Variants in PAAF1 observed in about 807,000 individuals in gnomAD.
PAAF1 encodes proteasomal ATPase-associated factor 1.
Under a neutral mutation model 52.8 loss-of-function variants are expected in PAAF1, and 46 were observed. The ratio of observed to expected loss-of-function variants is 0.87; its 90% CI spans 0.69 to 1.11. PAAF1 has a LOEUF of 1.11. Among genes scored for constraint, PAAF1 ranks in the 50% most tolerant of loss-of-function variants. The pLI, the probability that PAAF1 is intolerant of heterozygous loss-of-function variation, is 0.00. For synonymous variants in PAAF1, 178 were observed against 172.8 expected (o/e 1.03, Z -0.24); for missense variants, 424 against 477.4 (o/e 0.89, Z 1.04).
rs965928108 is a variant in PAAF1 at position 73,900,319 on chromosome 11, C to T, written c.431C>T (p.Pro144Leu). 2 of 1,612,460 alleles carry T rather than the reference C, an allele frequency of 1.2e-6. No homozygotes were observed. Reference sequence around the variant, plus strand: ...GATGTGAATTGTTGCAGGTTTTTCCCATCAGGCCTTGTGGTCCTGAGTGGG... The same window carrying T: ...GATGTGAATTGTTGCAGGTTTTTCCTATCAGGCCTTGTGGTCCTGAGTGGG... ...VFDVNCCRFF[P>L]SGLVVLSGGM... The change falls in exon 6 of 12, where the codon CCA becomes CTA. Residue 144 changes from proline to leucine, a missense_variant. Physicochemically the swap from Pro to Leu is moderately conservative, Grantham distance 98. Coordinates refer to ENST00000310571, the MANE Select transcript of PAAF1 (RefSeq NM_025155.3).
chr11:73,899,128 T>C lies in PAAF1; in HGVS notation c.283-18T>C, dbSNP rs1240012864. The C allele has an allele frequency of 6.3e-7, 1 of 1,584,952 alleles. No homozygotes were observed. The highest frequency in any genetic ancestry group is 1.7e-5 in the Admixed American group (1 of 59,724). The stretch of plus-strand genomic sequence containing the variant: ...ATTTCATTATTTCTAACACATTGTT[T>C]GTTTTCTCTTTGAACAGATAACATG... On this transcript the variant is annotated intron_variant, in intron 4 of 11. Coordinates refer to ENST00000310571, the MANE Select transcript of PAAF1 (RefSeq NM_025155.3).
At chr11:73,914,615 A>T in intron 8 of PAAF1, 111 bp downstream of exon 8, 1 of 782,898 alleles carries the variant, frequency 1.3e-6, no homozygotes, top group Non-Finnish European at 2.2e-6. Flanking sequence ...ACTTTTGAGA[A>T]GGCTGCGTGA....
At chr11:73,921,831 A>C (rs1950228542) in intron 10 of PAAF1, 1 of 1,131,764 alleles carries the variant, frequency 8.8e-7, no homozygotes, top group East Asian at 2.7e-5. Context: ...GTTTGTTTGC[A>C]GGTTTGGGAT....
chr11:73,919,060 T>C (rs754990230), intron 10 of PAAF1, 28 bp downstream of exon 10: 2 of 1,530,378 alleles, frequency 1.3e-6, no homozygotes, highest in Non-Finnish European at 1.8e-6. Context: ...TTGAGAGAGA[T>C]GCTTCTCTGT....
At position 73,914,451 on chromosome 11, in the gene PAAF1, T is replaced by G. The variant is rs1227701755; in HGVS notation, c.766T>G (p.Leu256Val). The change falls in exon 8 of 12, where the codon TTG becomes GTG. Residue 256 changes from leucine (L) to valine (V), a missense_variant. Physicochemically the swap from Leu to Val is conservative, Grantham distance 32. Coordinates refer to ENST00000310571, the MANE Select transcript of PAAF1 (RefSeq NM_025155.3). ...EVGTEAKMLL[L>V]AREDKKLQCL... is the part of the protein sequence containing the mutation. ...TGGAACAGAGGCCAAAATGCTGCTC[T>G]TGGCCCGGGAAGATAAGAAACTTCA... 1.2e-6 allele frequency: 2 copies of G among 1,614,080 alleles called. No individual in the cohort carries two copies. Among genetic ancestry groups the G allele is most frequent in the Non-Finnish European group, 1.7e-6 (2 of 1,179,970 alleles).
At chr11:73,893,406 A>G (rs1420313684) in intron 4 of PAAF1, among the ~76,000 whole-genome samples, 1 of 152,140 alleles carries the variant, frequency 6.6e-6, no homozygotes, top group Non-Finnish European at 1.5e-5. Context: ...TGTTAAATCA[A>G]TAAAATGTGA....
chr11:73,895,401 G>A (rs2135156938), intron 4 of PAAF1, among the ~76,000 whole-genome samples: 1 of 152,326 alleles, frequency 6.6e-6, no homozygotes, highest in South Asian at 2.1e-4. Context: ...GATACCACCT[G>A]TATCAGGACA....
rs991612076 is a variant in PAAF1, at chr11:73,900,393, G to A, written c.505G>A (p.Val169Met). The A allele has an allele frequency of 1.4e-5, 22 of 1,611,046 alleles. No individual in the cohort carries two copies. The highest frequency in any genetic ancestry group is 5.0e-5 in the Admixed American group (3 of 59,840). Residue 169 changes from valine to methionine, a missense_variant, in exon 6 of 12, where the codon GTG becomes ATG. Physicochemically the swap from Val to Met is conservative, Grantham distance 21. Coordinates refer to ENST00000310571, the MANE Select transcript of PAAF1 (RefSeq NM_025155.3). ...ATGGTCAGCTGAAGATGCTAGCTGC[G>A]TGGTGACCTTCAAAGGTCACAAAGG... Reference protein sequence around the residue: ...KIWSAEDASCVVTFKGHKGGI... With the variant: ...KIWSAEDASCMVTFKGHKGGI...
intron 4 of PAAF1, among the ~76,000 whole-genome samples, chr11:73,897,272 C>T (rs1013411903): frequency 5.4e-5 from 8 of 148,218 alleles, no homozygotes; most frequent in Non-Finnish European, 7.4e-5. Flanking sequence ...GGCGGCTGGC[C>T]GTGTGGGGGG....
chr11:73,902,135 T>G (rs1439597831), intron 6 of PAAF1, among the ~76,000 whole-genome samples: 1 of 151,540 alleles, frequency 6.6e-6, no homozygotes, highest in Non-Finnish European at 1.5e-5. Flanking sequence ...GTGCTGGGAT[T>G]ACAGGTATGA....
chr11:73,907,349 C>T (rs1430726177), intron 6 of PAAF1, among the ~76,000 whole-genome samples: 1 of 152,136 alleles, frequency 6.6e-6, no homozygotes, highest in Non-Finnish European at 1.5e-5. Context: ...CCTGACACTA[C>T]CCTGGCAAAA....
chr11:73,914,481 T>G lies in PAAF1; in HGVS notation c.796T>G (p.Leu266Val), dbSNP rs1248982025. The change falls in exon 8 of 12, where the codon TTG becomes GTG. Residue 266 changes from leucine (L) to valine (V), a missense_variant. Coordinates refer to ENST00000310571, the MANE Select transcript of PAAF1 (RefSeq NM_025155.3). ...CCGGGAAGATAAGAAACTTCAGTGCTTGGGACTACAGAGCAGGCAGCTGGC... is the reference window on the plus strand; with the variant it reads ...CCGGGAAGATAAGAAACTTCAGTGCGTGGGACTACAGAGCAGGCAGCTGGC... ...LAREDKKLQC[L>V]GLQSRQLVFL... The G allele has an allele frequency of 1.9e-6, 3 of 1,613,908 alleles. No individual in the cohort carries two copies. The Admixed American group carries it at 5.0e-5, about 27-fold the overall frequency.
chr11:73,894,407 G>T (rs1341261938), intron 4 of PAAF1, among the ~76,000 whole-genome samples: 1 of 151,924 alleles, frequency 6.6e-6, no homozygotes, highest in Non-Finnish European at 1.5e-5. Flanking sequence ...TGGGAGGCTG[G>T]GGTGGGCAGA....
chr11:73,892,383 A>G (rs1387415343), intron 4 of PAAF1, among the ~76,000 whole-genome samples: 2 of 151,960 alleles, frequency 1.3e-5, no homozygotes, highest in African/African-American at 2.4e-5. Context: ...TTATTACAAA[A>G]CAGATATATA....
intron 11 of PAAF1, among the ~76,000 whole-genome samples, chr11:73,926,389 C>T (rs548203989): frequency 6.6e-5 from 10 of 152,284 alleles, no homozygotes; most frequent in Admixed American, 5.9e-4. Flanking sequence ...TGAGCCACCG[C>T]GCCCAGCCAT....
At chr11:73,902,279 C>T (rs184721329) in intron 6 of PAAF1, among the ~76,000 whole-genome samples, 71 of 152,214 alleles carry the variant, frequency 4.7e-4, no homozygotes, top group Admixed American at 1.3e-3. Flanking sequence ...TGTAAGAAAA[C>T]GGGTACATTG....
intron 7 of PAAF1, among the ~76,000 whole-genome samples, chr11:73,911,332 A>G (rs1241677222): frequency 6.6e-6 from 1 of 152,034 alleles, no homozygotes; most frequent in Non-Finnish European, 1.5e-5. Context: ...CTAGGCATGC[A>G]CCACTACACC....
chr11:73,903,239 A>T (rs35481171), intron 6 of PAAF1, among the ~76,000 whole-genome samples: 8,610 of 152,288 alleles, frequency 0.057, 271 homozygotes, highest in Middle Eastern at 0.099. Flanking sequence ...CAGTTCGTTG[A>T]ATAAAGTAGC....
chr11:73,921,095 T>G (rs547544266), intron 10 of PAAF1, among the ~76,000 whole-genome samples: 46 of 151,770 alleles, frequency 3.0e-4, no homozygotes, highest in Middle Eastern at 6.8e-3. Flanking sequence ...AGGTCAGGAG[T>G]TTAAGACCAG....
Sources: gnomAD v4.1 joint callset for allele counts (sites outside exome capture counted in the v4.1 genomes callset) on GRCh38, gnomAD v4.1.1 for gene constraint, MANE v1.5 for transcripts, NCBI Gene and HGNC (gene_info 2026-07-23, HGNC 2026-07-21) for gene names.